The following SDK1 variants were observed in gnomAD, a reference collection of about 807,000 sequenced individuals.
The protein encoded by SDK1 is protein sidekick-1.
A neutral mutation model predicts 245.5 loss-of-function variants in SDK1; 157 were observed. That is an observed-to-expected ratio of 0.64 (90% confidence interval 0.56 to 0.73). The LOEUF (loss-of-function observed/expected upper bound fraction) is 0.73, where lower values mean the gene tolerates loss of function less well. Among genes scored for constraint, SDK1 ranks in the 30% least tolerant of loss-of-function variants. The probability of loss-of-function intolerance (pLI) is 0.00; values close to 1 mark genes in which losing one functional copy is unlikely to be tolerated. For missense variants in SDK1, 3,583 were observed against 3,002.3 expected, an observed-to-expected ratio of 1.19 and a Z score of -4.52; for synonymous variants, 1,647 against 1,278.5, an observed-to-expected ratio of 1.29 and a Z score of -6.15.
At chr7:4,089,413 C>T (rs1471644346) in intron 22 of SDK1, among the ~76,000 whole-genome samples, 2 of 152,244 alleles carry the variant, frequency 1.3e-5, no homozygotes, top group Non-Finnish European at 2.9e-5. Flanking sequence ...GGTCCCGCCT[C>T]AGGGGGCCTC....
Position 4,140,385 on chromosome 7 carries a change from G to A in SDK1, c.4229-5337G>A, listed in dbSNP as rs777408486. Among the ~76,000 whole-genome samples, 40 of 152,204 alleles carry A rather than the reference G, an allele frequency of 2.6e-4. 1 individual carries two copies. Among genetic ancestry groups the A allele is most frequent in the Admixed American group, 2.0e-3 (31 of 15,290 alleles). ...ATGGGAGCCCTCACATGCTGGAGGC[G>A]TGGCTCTGGAGCTGGGCCCAAGTGG... On this transcript the variant is annotated intron_variant, in intron 28 of 44. Transcript: ENST00000404826.
At chr7:3,854,550 A>G (rs370086205) in intron 5 of SDK1, among the ~76,000 whole-genome samples, 90 of 152,340 alleles carry the variant, frequency 5.9e-4, no homozygotes, top group African/African-American at 2.1e-3. Flanking sequence ...CGTAATGCCA[A>G]CACGAAGATC....
intron 1 of SDK1, among the ~76,000 whole-genome samples, chr7:3,544,150 C>G (rs1779140197): frequency 6.6e-6 from 1 of 152,202 alleles, no homozygotes; most frequent in Non-Finnish European, 1.5e-5. Flanking sequence ...TTTTTAAATG[C>G]CTGTGGAGAC....
intron 1 of SDK1, among the ~76,000 whole-genome samples, chr7:3,578,290 GA>G (rs2128631755): frequency 6.6e-6 from 1 of 152,084 alleles, no homozygotes; most frequent in South Asian, 2.1e-4. Flanking sequence ...GGATTAAGGG[GA>G]GGGGGTGCAA....
chr7:3,766,111 G>A (rs1407012651), intron 4 of SDK1, among the ~76,000 whole-genome samples: 1 of 152,280 alleles, frequency 6.6e-6, no homozygotes, highest in East Asian at 1.9e-4. Flanking sequence ...AATTTTTGGT[G>A]ATGAGTAGAA....
chr7:3,764,139 G>C (rs1196884844), intron 4 of SDK1, among the ~76,000 whole-genome samples: 1 of 152,018 alleles, frequency 6.6e-6, no homozygotes, highest in Non-Finnish European at 1.5e-5. Flanking sequence ...TTCTACTTTG[G>C]CATTTTCCCT....
At chr7:4,227,526 A>C (rs1487083604) in intron 40 of SDK1, 15 of 456,394 alleles carry the variant, frequency 3.3e-5, no homozygotes, top group South Asian at 2.4e-4. Flanking sequence ...ACAAAAAGAA[A>C]TGGCAGTATT....
chr7:4,060,565 C>CA (rs1345842371), intron 19 of SDK1, among the ~76,000 whole-genome samples: 11 of 151,924 alleles, frequency 7.2e-5, no homozygotes, highest in Admixed American at 3.3e-4. Flanking sequence ...GAGTAGGTTG[C>CA]AAAAATTTTC....
rs779211518 is a variant in SDK1 at position 4,136,936 on chromosome 7, G to C, written c.4228+4513G>C. On this transcript the variant is annotated intron_variant, in intron 28 of 44. Coordinates refer to ENST00000404826, the MANE Select transcript of SDK1 (RefSeq NM_152744.4). The stretch of plus-strand genomic sequence containing the variant: ...GCCACGGCATCTAGGCTCGGCCAGC[G>C]TGGGCGTCCTGGGGCGATTCAGTGG... Among the ~76,000 whole-genome samples, 97 of 152,228 alleles carry C rather than the reference G, an allele frequency of 6.4e-4. 1 individual carries two copies. Among genetic ancestry groups the C allele is most frequent in the Admixed American group, 1.1e-3 (17 of 15,290 alleles).
At chr7:3,464,142 G>A (rs1418503604) in intron 1 of SDK1, among the ~76,000 whole-genome samples, 1 of 152,112 alleles carries the variant, frequency 6.6e-6, no homozygotes, top group African/African-American at 2.4e-5. Context: ...CTGACGCATC[G>A]TTCCCTGAGT....
chr7:3,655,481 ATATATATATATATATATATATATG>A lies in SDK1; in HGVS notation c.713+13380_713+13403del, dbSNP rs1212555214. The stretch of plus-strand genomic sequence containing the variant: ...TATATATATATATATATATATATAT[ATATATATATATATATATATATATG>A]TATGTATGTATATAAAATGTGCTAG... On this transcript the variant is annotated intron_variant, in intron 4 of 44. Transcript: ENST00000404826. Among the ~76,000 whole-genome samples, 323 of 76,242 alleles carry A rather than the reference ATATATATATATATATATATATATG, an allele frequency of 4.2e-3. 8 individuals carry two copies. Among genetic ancestry groups the A allele is most frequent in the Middle Eastern group, 0.011 (2 of 174 alleles). 50.0% of individuals were successfully genotyped at this position (76,242 alleles called of 152,430 possible). A position where few individuals can be genotyped will look rare whatever the true frequency, so the allele number is the denominator to read the frequency against.
chr7:3,468,514 C>G (rs1282968724), intron 1 of SDK1, among the ~76,000 whole-genome samples: 1 of 152,172 alleles, frequency 6.6e-6, no homozygotes. Flanking sequence ...AAAAGTATTA[C>G]TCTAACTTTT....
rs200817084 is a variant in SDK1 at position 3,619,127 on chromosome 7, C to T, written c.346C>T (p.His116Tyr). Residue 116 changes from histidine (H) to tyrosine (Y), a missense_variant, in exon 2 of 45, where the codon CAC becomes TAC. Transcript: ENST00000404826. ...FKTEPGLPQI[H>Y]LEGNRLVLTC... ...AACGGAGCCAGGCCTACCACAGATC[C>T]ACCTGGAAGGGAACCGCCTTGTTCT... 6.2e-7 allele frequency: 1 copy of T among 1,613,054 alleles called. No homozygotes were observed. Among genetic ancestry groups the T allele is most frequent in the Admixed American group, 1.7e-5 (1 of 60,004 alleles).
At chr7:3,847,926 A>G (rs1382667920) in intron 5 of SDK1, among the ~76,000 whole-genome samples, 1 of 152,124 alleles carries the variant, frequency 6.6e-6, no homozygotes, top group African/African-American at 2.4e-5. Flanking sequence ...CCAGAATTAG[A>G]CCCTAATATA....
chr7:4,222,850 C>A (rs1785219678), intron 40 of SDK1, among the ~76,000 whole-genome samples: 1 of 152,084 alleles, frequency 6.6e-6, no homozygotes, highest in Non-Finnish European at 1.5e-5. Flanking sequence ...AGCCAGCTGG[C>A]CCTTTGCTAA....
chr7:3,543,437 G>C (rs1779112230), intron 1 of SDK1, among the ~76,000 whole-genome samples: 1 of 152,232 alleles, frequency 6.6e-6, no homozygotes, highest in South Asian at 2.1e-4. Context: ...AGACCAAATG[G>C]AGCACTGGTA....
intron 39 of SDK1, 25 bp downstream of exon 39, chr7:4,220,295 A>G (rs774907107): frequency 1.9e-6 from 3 of 1,603,324 alleles, no homozygotes; most frequent in Admixed American, 1.7e-5. Context: ...AGGGGCAGAC[A>G]ATGTCAATTG....
chr7:4,209,217 G>A (rs1175205956), intron 37 of SDK1, among the ~76,000 whole-genome samples: 1 of 152,232 alleles, frequency 6.6e-6, no homozygotes, highest in Non-Finnish European at 1.5e-5. Flanking sequence ...TGAGGGTAGA[G>A]CCATGTTGAG....
At chr7:4,041,756 CGTGAAAACACAGCATATATATA>C (rs1562715176) in intron 17 of SDK1, among the ~76,000 whole-genome samples, 1 of 136,138 alleles carries the variant, frequency 7.3e-6, no homozygotes, top group Admixed American at 6.9e-5. Context: ...GCATGCGTGT[CGTGAAAACACAGCATATATATA>C]GTGAAAACAG....
Sources: gnomAD v4.1 joint callset for allele counts (sites outside exome capture counted in the v4.1 genomes callset) on GRCh38, gnomAD v4.1.1 for gene constraint, MANE v1.5 for transcripts, NCBI Gene and HGNC (gene_info 2026-07-23, HGNC 2026-07-21) for gene names.